CDH13: variants seen among roughly 807,000 people sequenced by gnomAD.
CDH13 encodes the protein cadherin 13, also known as cadherin-13.
Under a neutral mutation model 63.8 loss-of-function variants are expected in CDH13, and 24 were observed. That is an observed-to-expected ratio of 0.38 (90% CI 0.27 to 0.53). The LOEUF (loss-of-function observed/expected upper bound fraction) is 0.53. CDH13 is among the 20% of genes least tolerant of loss of function. CDH13 has a pLI of 0.85. For synonymous variants in CDH13, 503 were observed against 355.3 expected (o/e 1.42, Z -4.67); for missense variants, 1,049 against 903.1 (o/e 1.16, Z -2.07).
intron 4 of CDH13, among the ~76,000 whole-genome samples, chr16:83,156,868 C>T (rs776919045): frequency 1.3e-4 from 20 of 152,230 alleles, no homozygotes; most frequent in South Asian, 2.1e-4. Context: ...CTCTCTGATC[C>T]GGAAGGCGGC....
intron 11 of CDH13, among the ~76,000 whole-genome samples, chr16:83,767,352 G>A (rs768619041): frequency 5.9e-5 from 9 of 152,122 alleles, no homozygotes; most frequent in Admixed American, 2.6e-4. Flanking sequence ...TTATGGTAGC[G>A]AATAAGTCTC....
At chr16:83,519,570 A>G (rs1432328683) in intron 7 of CDH13, among the ~76,000 whole-genome samples, 1 of 152,246 alleles carries the variant, frequency 6.6e-6, no homozygotes, top group Non-Finnish European at 1.5e-5. Flanking sequence ...TCCAGTTATA[A>G]GTTTACAGAC....
chr16:83,551,797 G>C (rs549028890), intron 7 of CDH13, among the ~76,000 whole-genome samples: 1 of 152,084 alleles, frequency 6.6e-6, no homozygotes, highest in Non-Finnish European at 1.5e-5. Context: ...TCACCTGCTG[G>C]CCTATGAAGG....
At chr16:83,594,488 C>T (rs746273913) in intron 7 of CDH13, among the ~76,000 whole-genome samples, 2 of 152,132 alleles carry the variant, frequency 1.3e-5, no homozygotes, top group Admixed American at 6.5e-5. Flanking sequence ...TCCCTGCCTT[C>T]GTGGAGCCTC....
At chr16:83,093,009 G>A (rs1243195402) in intron 3 of CDH13, among the ~76,000 whole-genome samples, 5 of 152,168 alleles carry the variant, frequency 3.3e-5, no homozygotes, top group African/African-American at 1.2e-4. Flanking sequence ...ATGAAAATGT[G>A]AGCACAGAGA....
chr16:82,810,028 C>T (rs896071827), intron 1 of CDH13, among the ~76,000 whole-genome samples: 6 of 152,208 alleles, frequency 3.9e-5, no homozygotes, highest in Non-Finnish European at 5.9e-5. Context: ...CCTGCCATCG[C>T]CCGGTGCCTT....
At chr16:83,151,665 T>C (rs113763327) in intron 4 of CDH13, among the ~76,000 whole-genome samples, 4 of 152,268 alleles carry the variant, frequency 2.6e-5, no homozygotes, top group African/African-American at 9.6e-5. Flanking sequence ...ACTTAGTCTA[T>C]TAGAAATAAA....
intron 1 of CDH13, among the ~76,000 whole-genome samples, chr16:82,791,380 G>C (rs899909897): frequency 5.3e-5 from 8 of 152,174 alleles, no homozygotes; most frequent in Admixed American, 5.2e-4. Flanking sequence ...TTAGGCTAAA[G>C]CAGGAGGTAA....
At position 83,705,290 on chromosome 16, in the gene CDH13, A is replaced by G. The variant is rs116705612; in HGVS notation, c.1538+26829A>G. On this transcript the variant is annotated intron_variant, in intron 10 of 13. Coordinates refer to ENST00000567109, the MANE Select transcript of CDH13 (RefSeq NM_001257.5). ...CAGAAATCCACCTGGAAAACAAAGT[A>G]GACAACCAAGCTTTTTGAGAATTTT... is the stretch of plus-strand genomic sequence containing the variant. 7.8e-3 allele frequency among the ~76,000 whole-genome samples: 1,183 copies of G among 152,322 alleles called. 12 individuals carry two copies. Among genetic ancestry groups the G allele is most frequent in the African/African-American group, 0.027 (1,118 of 41,590 alleles).
At chr16:83,035,348 C>T (rs1386058364) in intron 3 of CDH13, among the ~76,000 whole-genome samples, 2 of 152,132 alleles carry the variant, frequency 1.3e-5, no homozygotes, top group Non-Finnish European at 2.9e-5. Context: ...ATGATCTCTG[C>T]ATTTGGAGAG....
Position 83,379,938 on chromosome 16 carries a change from T to TATATATAGAGAGAGAGAGAG in CDH13, c.781+34933_781+34934insTATATAGAGAGAGAGAGAGA. Among the ~76,000 whole-genome samples, 545 of 123,424 alleles carry TATATATAGAGAGAGAGAGAG rather than the reference T, an allele frequency of 4.4e-3. 2 individuals carry two copies. Among genetic ancestry groups the TATATATAGAGAGAGAGAGAG allele is most frequent in the Non-Finnish European group, 7.2e-3 (442 of 61,112 alleles). The allele number at this position is 123,424 out of a possible 152,430, so 81.0% of individuals were successfully genotyped here. ...GTGTGTGTATATATATATATATATA[T>TATATATAGAGAGAGAGAGAG]AGAGAGAGAGAGAGAGAGAGAGAGA... On this transcript the variant is annotated intron_variant, in intron 6 of 13. Coordinates refer to ENST00000567109, the MANE Select transcript of CDH13 (RefSeq NM_001257.5).
rs1038386181 is a variant in CDH13 at position 82,860,391 on chromosome 16, G to C, written c.157+1918G>C. ...ATCACAGTTGTGTGTGTGTGTGTGG[G>C]GGGGGGGGCGGCGGTGTGCGTGTGT... On this transcript the variant is annotated intron_variant, in intron 2 of 13. Transcript: ENST00000567109. Among the ~76,000 whole-genome samples, 8 of 85,956 alleles carry C rather than the reference G, an allele frequency of 9.3e-5. 1 individual carries two copies. The highest frequency in any genetic ancestry group is 3.8e-4 in the African/African-American group (8 of 20,916). 56.4% of individuals were successfully genotyped at this position (85,956 alleles called of 152,430 possible).
At chr16:83,733,302 G>C (rs1567559559) in intron 10 of CDH13, among the ~76,000 whole-genome samples, 1 of 152,196 alleles carries the variant, frequency 6.6e-6, no homozygotes, top group Non-Finnish European at 1.5e-5. Context: ...GCGCACACTG[G>C]ACTCGTGCTC....
intron 2 of CDH13, among the ~76,000 whole-genome samples, chr16:82,861,095 A>C (rs1418660476): frequency 6.6e-6 from 1 of 152,206 alleles, no homozygotes; most frequent in Non-Finnish European, 1.5e-5. Flanking sequence ...AACCAAACAG[A>C]ACCAGAAAAT....
chr16:83,549,117 G>A (rs569642749), intron 7 of CDH13, among the ~76,000 whole-genome samples: 24 of 152,256 alleles, frequency 1.6e-4, no homozygotes, highest in African/African-American at 5.8e-4. Flanking sequence ...TGAGAGCCAC[G>A]CTGAATCTCG....
At chr16:83,202,656 G>C (rs1362304194) in intron 4 of CDH13, among the ~76,000 whole-genome samples, 5 of 152,166 alleles carry the variant, frequency 3.3e-5, no homozygotes, top group Non-Finnish European at 7.4e-5. Flanking sequence ...AGAATAATAA[G>C]AGTAAGTGTT....
At chr16:82,936,176 C>T (rs1319780500) in intron 2 of CDH13, among the ~76,000 whole-genome samples, 2 of 152,182 alleles carry the variant, frequency 1.3e-5, no homozygotes, top group Non-Finnish European at 2.9e-5. Context: ...TTCCTGCCAG[C>T]ATTCACCTGT....
chr16:83,794,425 T>C (rs1462588605), intron 13 of CDH13, among the ~76,000 whole-genome samples: 3 of 151,942 alleles, frequency 2.0e-5, no homozygotes, highest in African/African-American at 7.3e-5. Context: ...TGGCGGTGCA[T>C]GCCTGTAGTC....
intron 3 of CDH13, among the ~76,000 whole-genome samples, chr16:83,075,839 A>G (rs1371954427): frequency 6.6e-6 from 1 of 152,170 alleles, no homozygotes; most frequent in Non-Finnish European, 1.5e-5. Flanking sequence ...TTTGTGTTAG[A>G]AGTCAAATCA....
Sources: allele counts gnomAD v4.1 joint callset (sites outside exome capture counted in the v4.1 genomes callset), GRCh38; gene constraint gnomAD v4.1.1; transcripts MANE v1.5; gene names NCBI Gene and HGNC (gene_info 2026-07-23, HGNC 2026-07-21).